The following DLGAP2 variants were observed in gnomAD, a reference collection of about 807,000 sequenced individuals.
DLGAP2 encodes the protein disks large-associated protein 2.
DLGAP2 carries 26 observed loss-of-function variants against 100.3 expected under a neutral mutation model. The ratio of observed to expected loss-of-function variants is 0.26; its 90% CI spans 0.19 to 0.36. DLGAP2 has a LOEUF of 0.36. DLGAP2 is among the 10% of genes least tolerant of loss of function. The pLI is 1.00. For synonymous variants in DLGAP2, 886 were observed against 630.1 expected (o/e 1.41, Z -6.08); for missense variants, 1,858 against 1,453.2 (o/e 1.28, Z -4.53).
intron 4 of DLGAP2, among the ~76,000 whole-genome samples, chr8:1,532,863 A>G (rs949658544): frequency 6.6e-6 from 1 of 152,198 alleles, no homozygotes. Flanking sequence ...TAGGAGAGGA[A>G]TACAAGTCCA....
At chr8:846,946 G>A (rs1415254032) in intron 1 of DLGAP2, among the ~76,000 whole-genome samples, 1 of 152,124 alleles carries the variant, frequency 6.6e-6, no homozygotes, top group African/African-American at 2.4e-5. Flanking sequence ...TGTAATTCTT[G>A]CTTCTCCTGT....
intron 4 of DLGAP2, among the ~76,000 whole-genome samples, chr8:1,539,886 A>C (rs950937859): frequency 7.2e-6 from 1 of 139,154 alleles, no homozygotes; most frequent in Non-Finnish European, 1.5e-5. Context: ...TGTGCCCCCC[A>C]AGCCCCTCAG....
At chr8:1,067,179 G>A (rs1803281180) in intron 2 of DLGAP2, among the ~76,000 whole-genome samples, 1 of 152,230 alleles carries the variant, frequency 6.6e-6, no homozygotes, top group African/African-American at 2.4e-5. Flanking sequence ...TTGTCCATGT[G>A]CCCTGTACCT....
At chr8:1,169,541 AT>A (rs1474586531) in intron 2 of DLGAP2, among the ~76,000 whole-genome samples, 1 of 152,098 alleles carries the variant, frequency 6.6e-6, no homozygotes, top group Non-Finnish European at 1.5e-5. Flanking sequence ...ATTTGTTTGT[AT>A]CCTCTTTAAT....
intron 2 of DLGAP2, among the ~76,000 whole-genome samples, chr8:1,158,364 T>G (rs773015344): frequency 6.6e-6 from 1 of 152,266 alleles, no homozygotes. Context: ...ATATGTAATC[T>G]AATTCCCTCA....
chr8:1,117,861 C>G (rs751849671), intron 2 of DLGAP2, among the ~76,000 whole-genome samples: 1 of 151,976 alleles, frequency 6.6e-6, no homozygotes, highest in Non-Finnish European at 1.5e-5. Context: ...CACAGTTAGG[C>G]TTTTGAAAGT....
At chr8:1,522,826 G>T (rs897539119) in intron 4 of DLGAP2, among the ~76,000 whole-genome samples, 2 of 152,168 alleles carry the variant, frequency 1.3e-5, no homozygotes, top group African/African-American at 2.4e-5. Flanking sequence ...CTCTTTAATA[G>T]CCTCATGGGA....
chr8:1,195,346 C>A (rs1445658225), intron 2 of DLGAP2, among the ~76,000 whole-genome samples: 1 of 152,190 alleles, frequency 6.6e-6, no homozygotes, highest in East Asian at 1.9e-4. Flanking sequence ...GGCATGGAGG[C>A]CTGGCCAGAT....
rs138834809 is a variant in DLGAP2, at chr8:1,510,850, A to G, written c.172+9419A>G. ...ATAAAAGGCAAACCTTGCATTTGACACCTGAAACTGAGGTCGGTGTTACAT... is the reference window on the plus strand; with the variant it reads ...ATAAAAGGCAAACCTTGCATTTGACGCCTGAAACTGAGGTCGGTGTTACAT... On this transcript the variant is annotated intron_variant, in intron 4 of 14. Coordinates refer to ENST00000637795, the MANE Select transcript of DLGAP2 (RefSeq NM_001346810.2). 7.8e-4 allele frequency among the ~76,000 whole-genome samples: 119 copies of G among 152,358 alleles called. 1 individual carries two copies. The highest frequency in any genetic ancestry group is 2.8e-3 in the African/African-American group (118 of 41,596).
At chr8:1,304,930 A>G (rs756447421) in intron 3 of DLGAP2, among the ~76,000 whole-genome samples, 2 of 152,230 alleles carry the variant, frequency 1.3e-5, no homozygotes, top group Admixed American at 6.5e-5. Flanking sequence ...TATCGTGCAT[A>G]AGGTAATCAT....
At chr8:856,001 A>G (rs1233767884) in intron 1 of DLGAP2, among the ~76,000 whole-genome samples, 1 of 152,166 alleles carries the variant, frequency 6.6e-6, no homozygotes, top group Non-Finnish European at 1.5e-5. Context: ...GAGGAAGCGT[A>G]GCCTCTCACC....
intron 2 of DLGAP2, among the ~76,000 whole-genome samples, chr8:957,580 C>A (rs905908812): frequency 1.3e-5 from 2 of 152,196 alleles, no homozygotes; most frequent in African/African-American, 4.8e-5. Context: ...CTTTGTGCTC[C>A]TGTCATTATT....
intron 1 of DLGAP2, among the ~76,000 whole-genome samples, chr8:796,770 A>G (rs1397144589): frequency 2.6e-5 from 4 of 152,214 alleles, no homozygotes; most frequent in Admixed American, 2.0e-4. Context: ...GCACTATAAC[A>G]TGCCAGCTGT....
At chr8:1,608,939 G>A (rs143911644) in intron 6 of DLGAP2, among the ~76,000 whole-genome samples, 69,945 of 151,700 alleles carry the variant, frequency 0.46, 16,253 homozygotes, top group Non-Finnish European at 0.49. Flanking sequence ...GTGATGGGGC[G>A]AATGGAACCA....
intron 1 of DLGAP2, among the ~76,000 whole-genome samples, chr8:778,719 C>T (rs909972740): frequency 6.6e-6 from 1 of 152,342 alleles, no homozygotes; most frequent in Admixed American, 6.5e-5. Flanking sequence ...CAGCTGCGTA[C>T]TGGGAGAACC....
chr8:1,385,938 G>C (rs1480265461), intron 3 of DLGAP2, among the ~76,000 whole-genome samples: 1 of 152,260 alleles, frequency 6.6e-6, no homozygotes, highest in African/African-American at 2.4e-5. Context: ...CGACAACCTA[G>C]CCAGCAGCAC....
chr8:1,435,601 T>C (rs1184230002), intron 3 of DLGAP2, among the ~76,000 whole-genome samples: 1 of 152,060 alleles, frequency 6.6e-6, no homozygotes, highest in Non-Finnish European at 1.5e-5. Flanking sequence ...GCATCTGGGA[T>C]ACTGTACGTT....
intron 6 of DLGAP2, among the ~76,000 whole-genome samples, chr8:1,592,347 TA>T (rs1347196257): frequency 1.3e-5 from 2 of 152,228 alleles, no homozygotes; most frequent in African/African-American, 4.8e-5. Flanking sequence ...CTTCACATAC[TA>T]TTTTTTATCC....
intron 1 of DLGAP2, among the ~76,000 whole-genome samples, chr8:826,876 G>T (rs185894637): frequency 7.2e-5 from 11 of 152,288 alleles, no homozygotes; most frequent in Non-Finnish European, 1.3e-4. Flanking sequence ...TCATTTTCCA[G>T]CCTCGCACCA....
Sources: allele counts gnomAD v4.1 joint callset (sites outside exome capture counted in the v4.1 genomes callset), GRCh38; gene constraint gnomAD v4.1.1; transcripts MANE v1.5; gene names NCBI Gene and HGNC (gene_info 2026-07-23, HGNC 2026-07-21).